The following RGS17 variants were observed in gnomAD, a reference collection of about 807,000 sequenced individuals.
RGS17 encodes the protein regulator of G protein signaling 17, also known as regulator of G-protein signaling 17.
Under a neutral mutation model 25.5 loss-of-function variants are expected in RGS17, and 12 were observed. The ratio of observed to expected loss-of-function variants is 0.47; its 90% CI spans 0.30 to 0.76. The LOEUF is 0.76. Ranked by LOEUF, RGS17 falls within the 30% of genes least tolerant of loss-of-function variation. The probability of loss-of-function intolerance (pLI) is 0.07; values close to 1 mark genes in which losing one functional copy is unlikely to be tolerated. For synonymous variants in RGS17, 71 were observed against 76.9 expected, an observed-to-expected ratio of 0.92 and a Z score of 0.40; for missense variants, 196 against 242.2, an observed-to-expected ratio of 0.81 and a Z score of 1.27.
At chr6:153,078,602 G>T (rs6916910) in intron 1 of RGS17, among the ~76,000 whole-genome samples, 85,145 of 151,262 alleles carry the variant, frequency 0.56, 24,132 homozygotes, top group South Asian at 0.63. Flanking sequence ...ATTTTATATA[G>T]TAAAATAATA....
intron 1 of RGS17, among the ~76,000 whole-genome samples, chr6:153,109,165 A>T (rs550298993): frequency 2.5e-5 from 3 of 119,064 alleles, no homozygotes; most frequent in Admixed American, 2.4e-4. Context: ...CTGCAGCTAA[A>T]CGCCATTTTT....
At chr6:153,013,536 T>C (rs1212242014) in intron 4 of RGS17, among the ~76,000 whole-genome samples, 1 of 152,218 alleles carries the variant, frequency 6.6e-6, no homozygotes, top group Non-Finnish European at 1.5e-5. Flanking sequence ...TAAGAAATGG[T>C]TAGTTAAACT....
At chr6:153,045,389 A>G (rs942767726) in intron 1 of RGS17, among the ~76,000 whole-genome samples, 2 of 152,188 alleles carry the variant, frequency 1.3e-5, no homozygotes, top group Admixed American at 1.3e-4. Context: ...AATTTCTACT[A>G]TTCAGTAATG....
intron 2 of RGS17, among the ~76,000 whole-genome samples, chr6:153,043,231 A>C (rs1284082894): frequency 2.6e-5 from 4 of 151,502 alleles, no homozygotes; most frequent in African/African-American, 7.4e-5. Flanking sequence ...AGTTTGCATG[A>C]TGTCCCAGAG....
At chr6:153,055,920 A>C (rs2129113350) in intron 1 of RGS17, among the ~76,000 whole-genome samples, 1 of 152,274 alleles carries the variant, frequency 6.6e-6, no homozygotes, top group East Asian at 1.9e-4. Context: ...CAGGTTGAAC[A>C]ATGGGCCAAA....
At chr6:153,088,813 GT>G in intron 1 of RGS17, among the ~76,000 whole-genome samples, 1 of 152,088 alleles carries the variant, frequency 6.6e-6, no homozygotes, top group Non-Finnish European at 1.5e-5. Flanking sequence ...ATCCAAAATA[GT>G]TTATCCATTC....
chr6:153,043,841 A>G (rs1776352535), intron 2 of RGS17, 59 bp downstream of exon 2: 4 of 993,138 alleles, frequency 4.0e-6, no homozygotes, highest in Non-Finnish European at 6.1e-6. Context: ...TTTGGCATGC[A>G]TGTTCACACT....
intron 1 of RGS17, among the ~76,000 whole-genome samples, chr6:153,124,450 C>G (rs567919918): frequency 1.3e-5 from 2 of 152,138 alleles, no homozygotes; most frequent in Non-Finnish European, 2.9e-5. Context: ...AATTAAAACC[C>G]CTTCAAGCCC....
intron 1 of RGS17, among the ~76,000 whole-genome samples, chr6:153,070,823 A>G (rs1776784997): frequency 6.6e-6 from 1 of 151,040 alleles, no homozygotes; most frequent in Non-Finnish European, 1.5e-5. Flanking sequence ...ATACATATAC[A>G]TATATACACA....
Position 153,008,211 on chromosome 6 carries a change from C to T in RGS17, c.*3363G>A, listed in dbSNP as rs1779096450. On this transcript the variant is annotated 3_prime_UTR_variant, in exon 5 of 5. Coordinates refer to ENST00000206262, the MANE Select transcript of RGS17 (RefSeq NM_012419.5). ...AAAACTGAACTATCAGGTAGATAAA[C>T]AACACGTATTTCATTCTGTAAGTCA... The T allele has an allele frequency of 6.6e-6, 1 of 152,030 alleles. No individual in the cohort carries two copies. Among genetic ancestry groups the T allele is most frequent in the South Asian group, 2.1e-4 (1 of 4,836 alleles). The allele number at this position is 152,030 out of a possible 1,614,324, so 9.4% of individuals were successfully genotyped here. A position where few individuals can be genotyped will look rare whatever the true frequency, so the allele number is the denominator to read the frequency against.
intron 1 of RGS17, among the ~76,000 whole-genome samples, chr6:153,056,524 G>A (rs181907259): frequency 4.6e-5 from 7 of 151,074 alleles, no homozygotes; most frequent in African/African-American, 7.3e-5. Context: ...CTCAAGCCAA[G>A]CATTCTTGAG....
At chr6:153,040,846 CT>C (rs1334221643) in intron 2 of RGS17, among the ~76,000 whole-genome samples, 1 of 151,902 alleles carries the variant, frequency 6.6e-6, no homozygotes, top group Non-Finnish European at 1.5e-5. Flanking sequence ...GGAACTTTAA[CT>C]TTTATCCTTT....
intron 1 of RGS17, among the ~76,000 whole-genome samples, chr6:153,059,486 A>T: frequency 6.6e-6 from 1 of 152,152 alleles, no homozygotes; most frequent in East Asian, 1.9e-4. Context: ...AGTAAGAGAG[A>T]TCTGGAATTG....
intron 1 of RGS17, among the ~76,000 whole-genome samples, chr6:153,104,208 C>T (rs994006868): frequency 1.3e-5 from 2 of 152,178 alleles, no homozygotes; most frequent in African/African-American, 4.8e-5. Context: ...AATGTTGTTT[C>T]TTCAATTCAT....
chr6:153,078,151 G>A lies in RGS17; in HGVS notation c.-25-34108C>T, dbSNP rs369412782. 2.8e-4 allele frequency among the ~76,000 whole-genome samples: 42 copies of A among 152,254 alleles called. No individual in the cohort carries two copies. The East Asian group carries it at 7.1e-3, about 26-fold the overall frequency. ...GGCCTCCCAAAGTGCTGGGATTACT[G>A]AGCCACTGCGCCCAGCTGACTTACA... On this transcript the variant is annotated intron_variant, in intron 1 of 4. Transcript: ENST00000206262.
At chr6:153,012,338 ATCCT>A (rs1779142527) in intron 4 of RGS17, among the ~76,000 whole-genome samples, 1 of 152,240 alleles carries the variant, frequency 6.6e-6, no homozygotes. Context: ...ACTAGCAAAC[ATCCT>A]TATATATCCA....
intron 4 of RGS17, chr6:153,023,516 A>G (rs1779267561): frequency 3.7e-6 from 1 of 272,508 alleles, no homozygotes; most frequent in Admixed American, 3.5e-5. Context: ...AACATTTCTC[A>G]AGAACAAATT....
At chr6:153,054,196 C>A (rs1470436533) in intron 1 of RGS17, among the ~76,000 whole-genome samples, 2 of 144,470 alleles carry the variant, frequency 1.4e-5, no homozygotes, top group East Asian at 2.0e-4. Context: ...GACTCAAAAA[C>A]TTTCTTGAGA....
intron 2 of RGS17, among the ~76,000 whole-genome samples, chr6:153,040,864 A>T (rs1050682395): frequency 6.6e-6 from 1 of 152,092 alleles, no homozygotes; most frequent in African/African-American, 2.4e-5. Flanking sequence ...CTTTTAAAAA[A>T]ATTAAGTGGC....
Sources: allele counts gnomAD v4.1 joint callset (sites outside exome capture counted in the v4.1 genomes callset), GRCh38; gene constraint gnomAD v4.1.1; transcripts MANE v1.5; gene names NCBI Gene and HGNC (gene_info 2026-07-23, HGNC 2026-07-21).